Variants in HRK observed in about 807,000 individuals in gnomAD.
HRK encodes the protein activator of apoptosis harakiri.
In HRK, 6 loss-of-function variants were observed where a neutral mutation model predicts 5.9. That is an observed-to-expected ratio of 1.02 (90% CI 0.56 to 2.01). The LOEUF (loss-of-function observed/expected upper bound fraction) is 2.01, where lower values mean the gene tolerates loss of function less well. Ranked by LOEUF, HRK falls within the 30% of genes most tolerant of loss-of-function variation. HRK has a pLI of 0.00. For synonymous variants in HRK, 85 were observed against 65.1 expected (o/e 1.31, Z -1.47); for missense variants, 133 against 128.3 (o/e 1.04, Z -0.18).
intron 1 of HRK, among the ~76,000 whole-genome samples, chr12:116,864,320 A>C (rs1878462801): frequency 6.6e-6 from 1 of 152,214 alleles, no homozygotes; most frequent in Non-Finnish European, 1.5e-5. Context: ...GTGTGTGGAC[A>C]TCGTGCTAAG....
At chr12:116,872,814 G>C (rs1290454728) in intron 1 of HRK, among the ~76,000 whole-genome samples, 1 of 143,856 alleles carries the variant, frequency 7.0e-6, no homozygotes, top group Non-Finnish European at 1.5e-5. Context: ...CAGAAACAGA[G>C]AGAGACAGGA....
At position 116,860,161 on chromosome 12, in the gene HRK, T is replaced by G. The variant is rs965021814; in HGVS notation, c.*1362A>C. ...TTGAAAATGGCAGTGTGTGGTATCC[T>G]GCACAGAGGAAGAATACCTGCTTAT... On this transcript the variant is annotated 3_prime_UTR_variant, in exon 2 of 2. Transcript: ENST00000257572. The G allele has an allele frequency of 6.6e-6, 1 of 152,254 alleles. No individual in the cohort carries two copies. Among genetic ancestry groups the G allele is most frequent in the Admixed American group, 6.5e-5 (1 of 15,282 alleles). The allele number at this position is 152,254 out of a possible 1,614,324, so 9.4% of individuals were successfully genotyped here. A position where few individuals can be genotyped will look rare whatever the true frequency, so the allele number is the denominator to read the frequency against.
chr12:116,870,546 C>A (rs1364979495), intron 1 of HRK, among the ~76,000 whole-genome samples: 1 of 152,160 alleles, frequency 6.6e-6, no homozygotes. Context: ...GGCACAGTGG[C>A]TCACACTTGG....
chr12:116,876,289 G>A (rs528878018), intron 1 of HRK, among the ~76,000 whole-genome samples: 2 of 152,138 alleles, frequency 1.3e-5, no homozygotes, highest in Non-Finnish European at 2.9e-5. Flanking sequence ...GGGCTCCCTC[G>A]CCAAACAGAA....
At chr12:116,876,203 A>G (rs1325685020) in intron 1 of HRK, among the ~76,000 whole-genome samples, 1 of 152,184 alleles carries the variant, frequency 6.6e-6, no homozygotes, top group African/African-American at 2.4e-5. Flanking sequence ...GACAGAGACC[A>G]TGTGGCAGGA....
At chr12:116,871,661 C>T (rs1370891539) in intron 1 of HRK, among the ~76,000 whole-genome samples, 1 of 149,818 alleles carries the variant, frequency 6.7e-6, no homozygotes, top group Non-Finnish European at 1.5e-5. Flanking sequence ...GGGTCTTGCT[C>T]TGTCGCCCAG....
intron 1 of HRK, among the ~76,000 whole-genome samples, chr12:116,875,938 G>T (rs578254462): frequency 6.6e-6 from 1 of 152,138 alleles, no homozygotes; most frequent in African/African-American, 2.4e-5. Flanking sequence ...GGACACTGTG[G>T]GTTAGCTTTC....
chr12:116,875,759 G>T (rs914405657), intron 1 of HRK, among the ~76,000 whole-genome samples: 1 of 152,006 alleles, frequency 6.6e-6, no homozygotes, highest in Non-Finnish European at 1.5e-5. Flanking sequence ...GGCCAGGCAG[G>T]TCTCGAACTC....
At chr12:116,863,284 G>T (rs888225466) in intron 1 of HRK, among the ~76,000 whole-genome samples, 1 of 152,164 alleles carries the variant, frequency 6.6e-6, no homozygotes, top group Non-Finnish European at 1.5e-5. Context: ...CCAACAGGAG[G>T]CACTAATGGG....
In HRK at chr12:116,879,077, C is replaced by G. The variant is rs1056920442; in HGVS notation, c.*56+1899G>C. ...CATTCCCACCCCGACACTCACACAC[C>G]GGCAAACAGGAACACACAGTCAGGC... On this transcript the variant is annotated intron_variant, in intron 1 of 1. Coordinates refer to ENST00000257572, the MANE Select transcript of HRK (RefSeq NM_003806.4). The surrounding 1 kb of genome is among the most constrained non-coding windows in gnomAD (Gnocchi z 5.6). 1.3e-5 allele frequency: 2 copies of G among 152,218 alleles called. No homozygotes were observed. The highest frequency in any genetic ancestry group is 4.8e-5 in the African/African-American group (2 of 41,436). The allele number at this position is 152,218 out of a possible 1,614,324, so 9.4% of individuals were successfully genotyped here.
intron 1 of HRK, chr12:116,867,547 T>C (rs2137247209): frequency 6.6e-6 from 1 of 152,286 alleles, no homozygotes; most frequent in Middle Eastern, 3.4e-3. Context: ...GTTTAAGTTA[T>C]AGTGGGCTAT....
rs1593001799 is a variant in HRK at position 116,858,821 on chromosome 12, A to C, written c.*2702T>G. 1 of 90,076 alleles carries C rather than the reference A, an allele frequency of 1.1e-5. No individual in the cohort carries two copies. The highest frequency in any genetic ancestry group is 2.9e-4 in the South Asian group (1 of 3,396). The allele number at this position is 90,076 out of a possible 1,614,324, so 5.6% of individuals were successfully genotyped here. ...CCAGCACTTTGCACACTGTGGAAAT[A>C]TTTTTTAAAAAACAAGAACCACCCC... On this transcript the variant is annotated 3_prime_UTR_variant, in exon 2 of 2. Coordinates refer to ENST00000257572, the MANE Select transcript of HRK (RefSeq NM_003806.4).
At chr12:116,866,835 A>G (rs1878565803) in intron 1 of HRK, among the ~76,000 whole-genome samples, 2 of 152,178 alleles carry the variant, frequency 1.3e-5, no homozygotes, top group African/African-American at 2.4e-5. Context: ...ATCAACGCCA[A>G]AACAAACAAA....
At chr12:116,863,836 G>A (rs1467343616) in intron 1 of HRK, among the ~76,000 whole-genome samples, 2 of 151,834 alleles carry the variant, frequency 1.3e-5, no homozygotes, top group Non-Finnish European at 2.9e-5. Context: ...TGGGACTATC[G>A]GCATGCACCA....
Position 116,861,206 on chromosome 12 carries a change from G to A in HRK, c.*317C>T, listed in dbSNP as rs1194478121. 2 of 152,086 alleles carry A rather than the reference G, an allele frequency of 1.3e-5. No homozygotes were observed. Among genetic ancestry groups the A allele is most frequent in the African/African-American group, 4.8e-5 (2 of 41,390 alleles). 9.4% of individuals were successfully genotyped at this position (152,086 alleles called of 1,614,324 possible). A position where few individuals can be genotyped will look rare whatever the true frequency, so the allele number is the denominator to read the frequency against. On this transcript the variant is annotated 3_prime_UTR_variant, in exon 2 of 2. Transcript: ENST00000257572. ...AGGAAGGCAACCACGTCCTCAACAA[G>A]GCATGCACTGATACGTAATATTCAT... is the stretch of plus-strand genomic sequence containing the variant.
rs1350804621 is a variant in HRK at position 116,881,379 on chromosome 12, C to G, written c.-72G>C. ...CCTCTCCCTCCGGCCTCTGCGCCCG[C>G]TGCCGCCGCGCTCCAGCCGCCGGGG... On this transcript the variant is annotated 5_prime_UTR_variant, in exon 1 of 2. Transcript: ENST00000257572. The G allele has an allele frequency of 1.5e-5, 15 of 1,033,608 alleles. No individual in the cohort carries two copies. The highest frequency in any genetic ancestry group is 1.5e-5 in the Non-Finnish European group (13 of 862,756). 64.0% of individuals were successfully genotyped at this position (1,033,608 alleles called of 1,614,324 possible). A position where few individuals can be genotyped will look rare whatever the true frequency, so the allele number is the denominator to read the frequency against.
At chr12:116,864,010 T>C (rs1256375392) in intron 1 of HRK, among the ~76,000 whole-genome samples, 1 of 152,200 alleles carries the variant, frequency 6.6e-6, no homozygotes, top group Non-Finnish European at 1.5e-5. Flanking sequence ...CCAATTCCCC[T>C]TCTATCTCAC....
At chr12:116,868,994 T>A (rs1878646945) in intron 1 of HRK, among the ~76,000 whole-genome samples, 1 of 148,426 alleles carries the variant, frequency 6.7e-6, no homozygotes, top group Admixed American at 6.7e-5. Context: ...AAAGACAGGG[T>A]TTTTAAAAAC....
At chr12:116,877,132 C>T (rs529136794) in intron 1 of HRK, among the ~76,000 whole-genome samples, 1 of 152,246 alleles carries the variant, frequency 6.6e-6, no homozygotes, top group South Asian at 2.1e-4. Flanking sequence ...CTTACTGCAA[C>T]CTCTGCCTCT....
Sources: allele counts gnomAD v4.1 joint callset (sites outside exome capture counted in the v4.1 genomes callset), GRCh38; gene constraint gnomAD v4.1.1; non-coding constraint Gnocchi (gnomAD v3.1); transcripts MANE v1.5; gene names NCBI Gene and HGNC (gene_info 2026-07-23, HGNC 2026-07-21).